NUDC: variants seen among roughly 807,000 people sequenced by gnomAD.
NUDC encodes the protein nuclear migration protein nudC.
A neutral mutation model predicts 45.0 loss-of-function variants in NUDC; 14 were observed. The ratio of observed to expected loss-of-function variants is 0.31; its 90% CI spans 0.21 to 0.49. The LOEUF (loss-of-function observed/expected upper bound fraction) is 0.49. Ranked by LOEUF, NUDC falls within the 20% of genes least tolerant of loss-of-function variation. The probability of loss-of-function intolerance (pLI) is 0.99; values close to 1 mark genes in which losing one functional copy is unlikely to be tolerated. For missense variants in NUDC, 323 were observed against 426.2 expected (o/e 0.76, Z 2.13); for synonymous variants, 153 against 156.7 (o/e 0.98, Z 0.17).
At chr1:26,921,276 G>C (rs1479878518), upstream of NUDC, among the ~76,000 whole-genome samples, 1 of 152,186 alleles carries the variant, frequency 6.6e-6, no homozygotes. Flanking sequence ...CTAAGCCTGG[G>C]TGCTGTGCGA....
Position 26,921,926 on chromosome 1 carries a change from G to A in NUDC, c.78G>A (p.Gln26=). ...CTCAGCAGCACGAGGGCGGCGTGCAGGAGGTAACGGCCCGCGCGGCGTCGG... is the reference window on the plus strand; with the variant it reads ...CTCAGCAGCACGAGGGCGGCGTGCAAGAGGTAACGGCCCGCGCGGCGTCGG... ...AMAQQHEGGV[Q]ELVNTFFSFL... Residue 26 remains glutamine, a synonymous_variant, in exon 1 of 9, where the codon CAG becomes CAA. Coordinates refer to ENST00000321265, the MANE Select transcript of NUDC (RefSeq NM_006600.4). 1 of 1,551,454 alleles carries A rather than the reference G, an allele frequency of 6.4e-7. No homozygotes were observed. Among genetic ancestry groups the A allele is most frequent in the Non-Finnish European group, 8.7e-7 (1 of 1,147,064 alleles).
chr1:26,913,264 G>T, intron 3 of NUDC: 2 of 780,240 alleles, frequency 2.6e-6, no homozygotes, highest in Middle Eastern at 3.5e-4. Context: ...TCCAGACTGG[G>T]TGACAGAGTG....
At chr1:26,904,014 ATAAATAAATAAATAAATAAAT>A (rs1440896790) in intron 2 of NUDC, among the ~76,000 whole-genome samples, 6 of 142,390 alleles carry the variant, frequency 4.2e-5, no homozygotes, top group African/African-American at 1.6e-4. Flanking sequence ...CCGTCTCAAA[ATAAATAAATAAATAAATAAAT>A]TAAATAAATA....
intron 2 of NUDC, among the ~76,000 whole-genome samples, chr1:26,932,023 T>G (rs1448945542): frequency 6.7e-6 from 1 of 150,374 alleles, no homozygotes; most frequent in Admixed American, 6.6e-5. Context: ...ATTTATTTAT[T>G]TATATTTCTG....
At chr1:26,909,099 C>G (rs2124060113) in intron 2 of NUDC, among the ~76,000 whole-genome samples, 1 of 152,278 alleles carries the variant, frequency 6.6e-6, no homozygotes, top group South Asian at 2.1e-4. Context: ...CTCAGCCTCC[C>G]AAGTAGCTGC....
At position 26,927,754 on chromosome 1, in the gene NUDC, A is replaced by G. The variant is rs2082146363; in HGVS notation, c.159+3588A>G. Reference sequence around the variant, plus strand: ...CTTACCTTACAAGGATGTTACGAGGATTTAAAAAAAGGCAAAGACCACAAT... The same window carrying G: ...CTTACCTTACAAGGATGTTACGAGGGTTTAAAAAAAGGCAAAGACCACAAT... On this transcript the variant is annotated intron_variant, in intron 2 of 8. Transcript: ENST00000321265. 3.3e-5 allele frequency among the ~76,000 whole-genome samples: 5 copies of G among 152,176 alleles called. No homozygotes were observed. In the South Asian group the frequency reaches 1.0e-3, roughly 32 times the overall value.
At chr1:26,927,355 G>A (rs1381688141) in intron 2 of NUDC, among the ~76,000 whole-genome samples, 2 of 131,874 alleles carry the variant, frequency 1.5e-5, no homozygotes, top group Admixed American at 7.4e-5. Flanking sequence ...TGATCCAGCC[G>A]CCTTAGCCTC....
intron 3 of NUDC, among the ~76,000 whole-genome samples, chr1:26,914,515 G>A (rs2082050924): frequency 6.6e-6 from 1 of 152,096 alleles, no homozygotes; most frequent in Non-Finnish European, 1.5e-5. Context: ...GGGGCTGGGA[G>A]GACTTTGCCC....
chr1:26,944,602 G>C (rs1202421122), intron 6 of NUDC, among the ~76,000 whole-genome samples: 25 of 152,132 alleles, frequency 1.6e-4, no homozygotes, highest in Admixed American at 1.6e-3. Context: ...AGGAGTTTGA[G>C]ACCAGCCTGG....
intron 2 of NUDC, among the ~76,000 whole-genome samples, chr1:26,931,122 G>C (rs905580823): frequency 6.6e-6 from 1 of 152,004 alleles, no homozygotes; most frequent in Admixed American, 6.5e-5. Flanking sequence ...CTGTTGCCCA[G>C]CCTGGAGTGC....
chr1:26,917,332 C>A (rs559404326), upstream of NUDC, among the ~76,000 whole-genome samples: 1 of 151,796 alleles, frequency 6.6e-6, no homozygotes, highest in Admixed American at 6.6e-5. Context: ...GAGGCCGAGG[C>A]GGATGGATCA....
At chr1:26,929,674 A>G in intron 2 of NUDC, 1 of 412,108 alleles carries the variant, frequency 2.4e-6, no homozygotes, top group Non-Finnish European at 5.0e-6. Context: ...TTGAAGGCAT[A>G]TTTTTTGATG....
chr1:26,920,778 A>AAAC (rs201850954), upstream of NUDC, among the ~76,000 whole-genome samples: 1,299 of 147,334 alleles, frequency 8.8e-3, 10 homozygotes, highest in Non-Finnish European at 0.013. Flanking sequence ...ACAAAAAACA[A>AAAC]AAAAAAAAAA....
chr1:26,941,848 G>C (rs769165805), intron 4 of NUDC, 30 bp downstream of exon 4: 41 of 1,608,462 alleles, frequency 2.5e-5, no homozygotes, highest in Admixed American at 3.3e-5. Context: ...CTTGGGATGA[G>C]CCAGGAGCTT....
At chr1:26,939,698 A>G (rs1464654807) in intron 2 of NUDC, among the ~76,000 whole-genome samples, 1 of 152,144 alleles carries the variant, frequency 6.6e-6, no homozygotes, top group Non-Finnish European at 1.5e-5. Flanking sequence ...TGTGATTTTG[A>G]AGTATGCATG....
exon 2 of NUDC, chr1:26,902,344 C>G (rs964188449): frequency 2.6e-5 from 4 of 152,274 alleles, no homozygotes; most frequent in African/African-American, 9.6e-5. Context: ...AACAGCCTCT[C>G]CTGAGAATAG....
rs1228195587 is a variant in NUDC at position 26,945,591 on chromosome 1, T to C, written c.849T>C (p.Thr283=). ...AGCTGTCAGACCTGGACAGTGAGAC[T>C]CGCAGCATGGTGGAAAAGATGATGT... ...NSKLSDLDSE[T]RSMVEKMMYD... The change falls in exon 8 of 9, where the codon ACT becomes ACC. Residue 283 remains threonine (T), a synonymous_variant. Transcript: ENST00000321265. 1 of 1,614,166 alleles carries C rather than the reference T, an allele frequency of 6.2e-7. No homozygotes were observed. Among genetic ancestry groups the C allele is most frequent in the South Asian group, 1.1e-5 (1 of 91,080 alleles).
chr1:26,945,435 G>C lies in NUDC; in HGVS notation c.787G>C (p.Glu263Gln), dbSNP rs1249113947. The change falls in exon 7 of 9, where the codon GAG becomes CAG. Residue 263 changes from glutamate (E) to glutamine (Q), a missense_variant. This residue lies in a region of NUDC where 54 missense variants were observed against 100.2 expected (regional missense o/e 0.54). Transcript: ENST00000321265. The stretch of plus-strand genomic sequence containing the variant: ...GAGCCGCTTGGTGTCCAGTGACCCT[G>C]AGATCAACACCAAGAAGATTAACCC... The part of the protein sequence containing the change: ...WWSRLVSSDP[E>Q]INTKKINPEN... 6.2e-7 allele frequency: 1 copy of C among 1,614,180 alleles called. No individual in the cohort carries two copies. Among genetic ancestry groups the C allele is most frequent in the East Asian group, 2.2e-5 (1 of 44,874 alleles).
At chr1:26,930,361 G>C (rs989794847) in intron 2 of NUDC, among the ~76,000 whole-genome samples, 1 of 152,088 alleles carries the variant, frequency 6.6e-6, no homozygotes, top group Non-Finnish European at 1.5e-5. Context: ...GTAGAGTGGG[G>C]GTTTCACCAT....
Sources: allele counts gnomAD v4.1 joint callset (sites outside exome capture counted in the v4.1 genomes callset), GRCh38; gene constraint gnomAD v4.1.1; regional missense constraint gnomAD v4.1.1; transcripts MANE v1.5; gene names NCBI Gene and HGNC (gene_info 2026-07-23, HGNC 2026-07-21).